CNNM4: variants seen among roughly 807,000 people sequenced by gnomAD.
CNNM4 encodes metal transporter CNNM4.
A neutral mutation model predicts 53.7 loss-of-function variants in CNNM4; 32 were observed. The observed-to-expected ratio is 0.60, with a 90% confidence interval of 0.45 to 0.80. CNNM4 has a LOEUF of 0.80. CNNM4 is among the 30% of genes least tolerant of loss of function. CNNM4 has a pLI of 0.00. For missense variants in CNNM4, 784 were observed against 1,022.0 expected (o/e 0.77, Z 3.17); for synonymous variants, 410 against 440.0 (o/e 0.93, Z 0.85).
At chr2:96,789,653 A>C (rs1013918055) in intron 1 of CNNM4, among the ~76,000 whole-genome samples, 2 of 152,136 alleles carry the variant, frequency 1.3e-5, no homozygotes, top group Non-Finnish European at 2.9e-5. Context: ...GGAACCCTGA[A>C]GTCCCAGAGG....
At chr2:96,803,618 T>TG (rs999316536) in intron 5 of CNNM4, among the ~76,000 whole-genome samples, 50 of 151,820 alleles carry the variant, frequency 3.3e-4, no homozygotes, top group African/African-American at 1.2e-3. Flanking sequence ...CCCAGCTACT[T>TG]GGGAGGCTGA....
chr2:96,769,489 G>A (rs1288544807), intron 1 of CNNM4, among the ~76,000 whole-genome samples: 2 of 151,324 alleles, frequency 1.3e-5, no homozygotes, highest in African/African-American at 2.4e-5. Flanking sequence ...AGCTTGAATC[G>A]GGAGGCGGAG....
chr2:96,797,238 G>T lies in CNNM4; in HGVS notation c.1546+83G>T. On this transcript the variant is annotated intron_variant, in intron 2 of 6. Transcript: ENST00000377075. This position sits in a 1 kb window ranked among gnomAD's most constrained non-coding sequence, Gnocchi z 6.0. ...TGTCCCTAGCTGGAAGGGCCATAGT[G>T]CAGGGACACAGGAGGCCTAGCATCC... 2 of 1,579,188 alleles carry T rather than the reference G, an allele frequency of 1.3e-6. No individual in the cohort carries two copies.
At position 96,801,707 on chromosome 2, in the gene CNNM4, GAGAGACCACACACATGC is replaced by G. The variant is rs1394621659; in HGVS notation, c.1948+2074_1948+2090del. Among the ~76,000 whole-genome samples the G allele has an allele frequency of 7.1e-6, 1 of 141,560 alleles. No homozygotes were observed. The highest frequency in any genetic ancestry group is 2.9e-5 in the African/African-American group (1 of 34,860). 92.9% of individuals were successfully genotyped at this position (141,560 alleles called of 152,430 possible). A position where few individuals can be genotyped will look rare whatever the true frequency, so the allele number is the denominator to read the frequency against. ...CACGCAGAGAGACCACACACACGCA[GAGAGACCACACACATGC>G]AGAGACCACACACACCCAGAGACCA... On this transcript the variant is annotated intron_variant, in intron 5 of 6. Coordinates refer to ENST00000377075, the MANE Select transcript of CNNM4 (RefSeq NM_020184.4). This position sits in a 1 kb window ranked among gnomAD's most constrained non-coding sequence, Gnocchi z 5.6.
chr2:96,782,367 G>A (rs1397360533), intron 1 of CNNM4, among the ~76,000 whole-genome samples: 1 of 149,916 alleles, frequency 6.7e-6, no homozygotes, highest in Non-Finnish European at 1.5e-5. Flanking sequence ...AGCTGAGATT[G>A]CACCATTGCA....
At chr2:96,777,599 C>T (rs2078937019) in intron 1 of CNNM4, among the ~76,000 whole-genome samples, 1 of 152,086 alleles carries the variant, frequency 6.6e-6, no homozygotes, top group South Asian at 2.1e-4. Context: ...CTCCTGGGTT[C>T]AAGTGATTCT....
rs2079151465 is a variant in CNNM4 at position 96,800,794 on chromosome 2, G to T, written c.1948+1146G>T. Among the ~76,000 whole-genome samples the T allele has an allele frequency of 6.6e-6, 1 of 152,242 alleles. No homozygotes were observed. Among genetic ancestry groups the T allele is most frequent in the Non-Finnish European group, 1.5e-5 (1 of 68,030 alleles). On this transcript the variant is annotated intron_variant, in intron 5 of 6. Coordinates refer to ENST00000377075, the MANE Select transcript of CNNM4 (RefSeq NM_020184.4). This position sits in a 1 kb window ranked among gnomAD's most constrained non-coding sequence, Gnocchi z 4.6. ...GCCTCAGAGGCCCGGTTAGGGCCCAGGCTCTGTCCGTTGACCCATAGTCTC... is the reference window on the plus strand; with the variant it reads ...GCCTCAGAGGCCCGGTTAGGGCCCATGCTCTGTCCGTTGACCCATAGTCTC...
In CNNM4 at chr2:96,760,942, G is replaced by A. The variant is rs553235240; in HGVS notation, c.-58G>A. 5 of 928,994 alleles carry A rather than the reference G, an allele frequency of 5.4e-6. No homozygotes were observed. Among genetic ancestry groups the A allele is most frequent in the Non-Finnish European group, 3.9e-6 (3 of 778,412 alleles). The allele number at this position is 928,994 out of a possible 1,614,324, so 57.5% of individuals were successfully genotyped here. ...AGCGGAGCGGCCGGAGCTGCGGTGC[G>A]GACCGGGGCCGCGCGGCGTGGCGCG... On this transcript the variant is annotated 5_prime_UTR_variant, in exon 1 of 7. Coordinates refer to ENST00000377075, the MANE Select transcript of CNNM4 (RefSeq NM_020184.4).
At chr2:96,766,727 C>T (rs181978409) in intron 1 of CNNM4, among the ~76,000 whole-genome samples, 2 of 152,322 alleles carry the variant, frequency 1.3e-5, no homozygotes, top group East Asian at 3.9e-4. Context: ...GTATCTCTAG[C>T]CCCTAGAATG....
At chr2:96,796,211 C>G (rs1370690776) in intron 1 of CNNM4, among the ~76,000 whole-genome samples, 1 of 123,764 alleles carries the variant, frequency 8.1e-6, no homozygotes, top group African/African-American at 3.1e-5. Flanking sequence ...GTGGCGTGAT[C>G]TCGGCTCACT....
intron 1 of CNNM4, among the ~76,000 whole-genome samples, chr2:96,778,315 T>C (rs534207585): frequency 6.6e-6 from 1 of 151,810 alleles, no homozygotes; most frequent in South Asian, 2.1e-4. Context: ...CCCAGCACTT[T>C]TGGAGGCCGA....
chr2:96,783,241 A>C (rs1336795806), intron 1 of CNNM4, among the ~76,000 whole-genome samples: 1 of 152,184 alleles, frequency 6.6e-6, no homozygotes, highest in Non-Finnish European at 1.5e-5. Context: ...ATGCTGGGGC[A>C]GGGGCGAGAT....
Position 96,797,497 on chromosome 2 carries a change from G to T in CNNM4, c.1547-16G>T. Reference sequence around the variant, plus strand: ...CAGGGGTCTGTGTTCTCAATTCCACGCTCTTCTTCCGGCAGCTGACAACCG... The same window carrying T: ...CAGGGGTCTGTGTTCTCAATTCCACTCTCTTCTTCCGGCAGCTGACAACCG... On this transcript the variant is annotated splice_polypyrimidine_tract_variant and intron_variant, in intron 2 of 6. Transcript: ENST00000377075. This position sits in a 1 kb window ranked among gnomAD's most constrained non-coding sequence, Gnocchi z 6.0. The T allele has an allele frequency of 6.2e-7, 1 of 1,613,524 alleles. No individual in the cohort carries two copies.
chr2:96,774,423 T>G (rs890862541), intron 1 of CNNM4, among the ~76,000 whole-genome samples: 4 of 152,280 alleles, frequency 2.6e-5, no homozygotes, highest in South Asian at 4.1e-4. Context: ...TTAAAAATTT[T>G]TTTTAAATTA....
intron 1 of CNNM4, among the ~76,000 whole-genome samples, chr2:96,766,351 A>G (rs1203566073): frequency 2.0e-5 from 3 of 152,172 alleles, no homozygotes; most frequent in Non-Finnish European, 4.4e-5. Flanking sequence ...CTGGGATTAC[A>G]GGTGTGAGCC....
intron 5 of CNNM4, among the ~76,000 whole-genome samples, chr2:96,803,969 G>T (rs1255436866): frequency 1.3e-5 from 2 of 152,036 alleles, no homozygotes; most frequent in Admixed American, 1.3e-4. Context: ...TGCAATCATA[G>T]CTCACTGCAG....
In CNNM4 at chr2:96,762,105, G is replaced by A; in HGVS notation, c.1106G>A (p.Arg369Gln). ...LNMIQGALEL[R>Q]TKTVEDIMTQ... ...ATGATCCAGGGTGCCCTGGAACTACGGACCAAAACTGTAGAGGATATCATG... is the reference window on the plus strand; with the variant it reads ...ATGATCCAGGGTGCCCTGGAACTACAGACCAAAACTGTAGAGGATATCATG... The change falls in exon 1 of 7, where the codon CGG (arginine) becomes CAG (glutamine). Residue 369 changes from arginine (R) to glutamine (Q), a missense_variant. Arg to Gln is a conservative substitution (Grantham distance 43, BLOSUM62 1). Transcript: ENST00000377075. The A allele has an allele frequency of 1.2e-6, 2 of 1,614,066 alleles. No individual in the cohort carries two copies. Among genetic ancestry groups the A allele is most frequent in the African/African-American group, 1.3e-5 (1 of 75,008 alleles).
chr2:96,806,049 C>T (rs1478121929), intron 5 of CNNM4, among the ~76,000 whole-genome samples: 8 of 146,284 alleles, frequency 5.5e-5, no homozygotes, highest in Non-Finnish European at 1.0e-4. Flanking sequence ...CCTCACCTCC[C>T]GGACGGGGCG....
intron 1 of CNNM4, among the ~76,000 whole-genome samples, chr2:96,792,987 G>A (rs928554632): frequency 2.0e-5 from 3 of 152,132 alleles, no homozygotes; most frequent in Non-Finnish European, 4.4e-5. Context: ...CACGGGAGAG[G>A]ACAGGGCTGC....
Sources: gnomAD v4.1 joint callset for allele counts (sites outside exome capture counted in the v4.1 genomes callset) on GRCh38, gnomAD v4.1.1 for gene constraint, Gnocchi (gnomAD v3.1) non-coding constraint, MANE v1.5 for transcripts, NCBI Gene and HGNC (gene_info 2026-07-23, HGNC 2026-07-21) for gene names.